The following STK10 variants were observed in gnomAD, a reference collection of about 807,000 sequenced individuals.
STK10 encodes the protein serine/threonine kinase 10.
Under a neutral mutation model 113.8 loss-of-function variants are expected in STK10, and 78 were observed. That is an observed-to-expected ratio of 0.69 (90% CI 0.57 to 0.83). The LOEUF is 0.83. Among genes scored for constraint, STK10 ranks in the 40% least tolerant of loss-of-function variants. STK10 has a pLI of 0.00. For missense variants in STK10, 1,109 were observed against 1,280.1 expected (o/e 0.87, Z 2.04); for synonymous variants, 465 against 494.7 (o/e 0.94, Z 0.80).
intron 3 of STK10, among the ~76,000 whole-genome samples, chr5:172,121,863 G>GCT (rs1335382343): frequency 7.2e-6 from 1 of 139,624 alleles, no homozygotes; most frequent in Non-Finnish European, 1.5e-5. Context: ...ACTATGCCTA[G>GCT]CTAATATACT....
chr5:172,115,953 T>C (rs528392566), intron 4 of STK10, among the ~76,000 whole-genome samples: 2 of 152,296 alleles, frequency 1.3e-5, no homozygotes, highest in African/African-American at 4.8e-5. Context: ...CTCCAGCACA[T>C]TGGGCGGGGC....
At position 172,052,748 on chromosome 5, in the gene STK10, G is replaced by A. The variant is rs1342371596; in HGVS notation, c.2766+181C>T. On this transcript the variant is annotated intron_variant, in intron 18 of 18. Coordinates refer to ENST00000176763, the MANE Select transcript of STK10 (RefSeq NM_005990.4). ...GGCTGCCCTTCCAGAGGTGGAAGCT[G>A]CAGGGCGTTCAGCCACAAAGGGTTA... Among the ~76,000 whole-genome samples the A allele has an allele frequency of 5.3e-5, 8 of 152,326 alleles. No individual in the cohort carries two copies. In the East Asian group the frequency reaches 9.7e-4, roughly 18 times the overall value.
chr5:172,142,559 T>C (rs1023576824), intron 2 of STK10, among the ~76,000 whole-genome samples: 1 of 152,180 alleles, frequency 6.6e-6, no homozygotes, highest in African/African-American at 2.4e-5. Flanking sequence ...CCGGGCCGTA[T>C]GCTAAGTGCT....
chr5:172,142,298 A>G (rs1031062573), intron 2 of STK10, among the ~76,000 whole-genome samples: 1 of 152,240 alleles, frequency 6.6e-6, no homozygotes, highest in Non-Finnish European at 1.5e-5. Context: ...TGACAGAGCT[A>G]GGATTTTAAA....
chr5:172,138,280 C>T lies in STK10; in HGVS notation c.322-10859G>A, dbSNP rs574742095. Among the ~76,000 whole-genome samples the T allele has an allele frequency of 2.0e-5, 3 of 152,190 alleles. No individual in the cohort carries two copies. The South Asian group carries it at 6.2e-4, about 32-fold the overall frequency. ...GGAATTACAGGCATGTGCCACCACG[C>T]CTGGCTAATTTTTTTGTATTTTTAG... On this transcript the variant is annotated intron_variant, in intron 2 of 18. Coordinates refer to ENST00000176763, the MANE Select transcript of STK10 (RefSeq NM_005990.4).
Position 172,055,474 on chromosome 5 carries a change from G to C in STK10, c.2526+114C>G, listed in dbSNP as rs557854764. The C allele has an allele frequency of 2.3e-4, 264 of 1,123,486 alleles. No homozygotes were observed. In the Admixed American group the frequency reaches 3.8e-3, roughly 16 times the overall value. The allele number at this position is 1,123,486 out of a possible 1,614,324, so 69.6% of individuals were successfully genotyped here. A position where few individuals can be genotyped will look rare whatever the true frequency, so the allele number is the denominator to read the frequency against. ...CAAAGTGTTGGGATTACAGACGTGA[G>C]CCAGCCTGCATCTTGTTTCATATTC... On this transcript the variant is annotated intron_variant, in intron 16 of 18. Coordinates refer to ENST00000176763, the MANE Select transcript of STK10 (RefSeq NM_005990.4).
chr5:172,090,001 G>A (rs573234291), intron 10 of STK10, among the ~76,000 whole-genome samples: 1 of 152,198 alleles, frequency 6.6e-6, no homozygotes, highest in Non-Finnish European at 1.5e-5. Context: ...AGGTAGATAG[G>A]TGAGTAGGTG....
chr5:172,160,501 CGCT>C (rs1561831121), intron 1 of STK10, among the ~76,000 whole-genome samples: 1 of 151,578 alleles, frequency 6.6e-6, no homozygotes, highest in African/African-American at 2.4e-5. Context: ...CCTAAAAGCA[CGCT>C]GCTCATCTGG....
At chr5:172,129,627 A>AC (rs1455392544) in intron 2 of STK10, among the ~76,000 whole-genome samples, 11 of 152,204 alleles carry the variant, frequency 7.2e-5, no homozygotes, top group African/African-American at 2.4e-4. Context: ...TCCCAGTGGC[A>AC]AGGGAACAGA....
At chr5:172,047,338 G>C (rs1767512471) in intron 18 of STK10, among the ~76,000 whole-genome samples, 1 of 152,166 alleles carries the variant, frequency 6.6e-6, no homozygotes, top group African/African-American at 2.4e-5. Flanking sequence ...TGAGACATAA[G>C]GCAATAGCTA....
chr5:172,070,644 C>T (rs1768156997), intron 12 of STK10, among the ~76,000 whole-genome samples: 1 of 151,780 alleles, frequency 6.6e-6, no homozygotes, highest in Admixed American at 6.6e-5. Flanking sequence ...AAATCAATAA[C>T]ATTGAAAAGA....
At chr5:172,163,550 C>A (rs920071762) in intron 1 of STK10, among the ~76,000 whole-genome samples, 6 of 152,168 alleles carry the variant, frequency 3.9e-5, no homozygotes, top group Admixed American at 2.0e-4. Flanking sequence ...GTGCCGGTTT[C>A]CCAAGTGAGC....
At chr5:172,088,369 C>T (rs566374852) in intron 10 of STK10, among the ~76,000 whole-genome samples, 2 of 152,022 alleles carry the variant, frequency 1.3e-5, no homozygotes, top group African/African-American at 4.8e-5. Flanking sequence ...ACTAAAAATA[C>T]AAAAATTAGC....
At chr5:172,146,103 A>G (rs561652962) in intron 2 of STK10, among the ~76,000 whole-genome samples, 3 of 152,148 alleles carry the variant, frequency 2.0e-5, no homozygotes, top group African/African-American at 7.2e-5. Context: ...CCTTACTTTT[A>G]TTGTCTGTTG....
At chr5:172,048,415 A>C (rs1412844643) in intron 18 of STK10, among the ~76,000 whole-genome samples, 2 of 17,686 alleles carry the variant, frequency 1.1e-4, no homozygotes, top group East Asian at 1.8e-3. Context: ...CCCTCTCCCT[A>C]CACACACACA....
chr5:172,065,909 G>C (rs1226372106), intron 12 of STK10, among the ~76,000 whole-genome samples: 2 of 152,202 alleles, frequency 1.3e-5, no homozygotes, highest in Non-Finnish European at 2.9e-5. Context: ...TCAGACGCCA[G>C]CAAGTGTTCT....
chr5:172,148,423 T>C (rs1348049281), intron 2 of STK10, among the ~76,000 whole-genome samples: 2 of 152,088 alleles, frequency 1.3e-5, no homozygotes, highest in Admixed American at 6.5e-5. Flanking sequence ...CTTGGTGACA[T>C]GGTGGGCGAA....
intron 17 of STK10, 130 bp downstream of exon 17, chr5:172,054,438 GA>G (rs1767700158): frequency 1.5e-6 from 2 of 1,373,834 alleles, no homozygotes; most frequent in Non-Finnish European, 2.0e-6. Flanking sequence ...GGCAGGGCTG[GA>G]AACCATCCAT....
chr5:172,049,916 C>A (rs1014325791), intron 18 of STK10, among the ~76,000 whole-genome samples: 1 of 152,200 alleles, frequency 6.6e-6, no homozygotes, highest in African/African-American at 2.4e-5. Context: ...GATTCTCCTG[C>A]CTCAGCCGCC....
Sources: gnomAD v4.1 joint callset for allele counts (sites outside exome capture counted in the v4.1 genomes callset) on GRCh38, gnomAD v4.1.1 for gene constraint, MANE v1.5 for transcripts, NCBI Gene and HGNC (gene_info 2026-07-23, HGNC 2026-07-21) for gene names.